Variants in ST6GALNAC3 observed in about 807,000 individuals in gnomAD.
The protein encoded by ST6GALNAC3 is alpha-N-acetylgalactosaminide alpha-2,6-sialyltransferase 3.
In ST6GALNAC3, 25 loss-of-function variants were observed where a neutral mutation model predicts 32.7. The observed-to-expected ratio is 0.76, with a 90% CI of 0.56 to 1.07. ST6GALNAC3 has a LOEUF of 1.07. Among genes scored for constraint, ST6GALNAC3 ranks in the 50% least tolerant of loss-of-function variants. The pLI is 0.00. For synonymous variants in ST6GALNAC3, 129 were observed against 133.1 expected, an observed-to-expected ratio of 0.97 and a Z score of 0.21; for missense variants, 355 against 382.4, an observed-to-expected ratio of 0.93 and a Z score of 0.60.
At chr1:76,635,490 C>T (rs1649482229), downstream of ST6GALNAC3, among the ~76,000 whole-genome samples, 1 of 152,070 alleles carries the variant, frequency 6.6e-6, no homozygotes, top group Admixed American at 6.5e-5. Context: ...AATTGAAGCA[C>T]TAGAGAGATT....
intron 3 of ST6GALNAC3, among the ~76,000 whole-genome samples, chr1:76,470,511 G>T (rs1325261430): frequency 1.3e-5 from 2 of 152,002 alleles, no homozygotes; most frequent in Non-Finnish European, 2.9e-5. Context: ...CCTTTTCAGT[G>T]GCAAGTTAAA....
At chr1:76,590,179 G>T (rs1237965708) in intron 3 of ST6GALNAC3, among the ~76,000 whole-genome samples, 1 of 152,134 alleles carries the variant, frequency 6.6e-6, no homozygotes. Flanking sequence ...ATCTCTCTTT[G>T]TAATCAAGAC....
chr1:76,587,841 C>A (rs2100570935), intron 3 of ST6GALNAC3, among the ~76,000 whole-genome samples: 1 of 152,244 alleles, frequency 6.6e-6, no homozygotes, highest in East Asian at 1.9e-4. Context: ...GTGGGACGCT[C>A]AGGTTACCAA....
Position 76,564,491 on chromosome 1 carries a change from A to C in ST6GALNAC3, c.624-62961A>C, listed in dbSNP as rs147577345. On this transcript the variant is annotated intron_variant, in intron 3 of 4. Coordinates refer to ENST00000328299, the MANE Select transcript of ST6GALNAC3 (RefSeq NM_152996.4). ...GGCCAGATTCAGGATTCAATGCTAA[A>C]TTAGTGGTGGATTCACTGGTGATGC... is the stretch of plus-strand genomic sequence containing the variant. Among the ~76,000 whole-genome samples, 628 of 152,280 alleles carry C rather than the reference A, an allele frequency of 4.1e-3. 1 individual carries two copies. Among genetic ancestry groups the C allele is most frequent in the African/African-American group, 0.014 (596 of 41,542 alleles).
intron 3 of ST6GALNAC3, among the ~76,000 whole-genome samples, chr1:76,500,316 T>C (rs1050890821): frequency 6.6e-6 from 1 of 152,200 alleles, no homozygotes; most frequent in African/African-American, 2.4e-5. Context: ...ACATTTTCCT[T>C]ATTTCCATCT....
At position 76,199,936 on chromosome 1, in the gene ST6GALNAC3, A is replaced by T. The variant is rs77223693; in HGVS notation, c.19-113869A>T. Among the ~76,000 whole-genome samples, 8 of 152,318 alleles carry T rather than the reference A, an allele frequency of 5.3e-5. No homozygotes were observed. In the East Asian group the frequency reaches 1.5e-3, roughly 29 times the overall value. On this transcript the variant is annotated intron_variant, in intron 1 of 4. Coordinates refer to ENST00000328299, the MANE Select transcript of ST6GALNAC3 (RefSeq NM_152996.4). ...AAGGAGTTGGGAAGTTGAAATTTAC[A>T]GCCATCCCAAATGAGAGAGTTGAGA... is the stretch of plus-strand genomic sequence containing the variant.
intron 2 of ST6GALNAC3, among the ~76,000 whole-genome samples, chr1:76,387,613 T>A (rs1222595195): frequency 6.6e-6 from 1 of 152,130 alleles, no homozygotes; most frequent in Non-Finnish European, 1.5e-5. Context: ...CCAAATTTAC[T>A]TGCTTTTGAA....
intron 1 of ST6GALNAC3, among the ~76,000 whole-genome samples, chr1:76,274,875 G>A (rs1023838388): frequency 2.6e-5 from 4 of 152,136 alleles, no homozygotes; most frequent in Non-Finnish European, 5.9e-5. Context: ...AGGGAATGTC[G>A]AACTTCATCT....
At chr1:76,428,808 A>T (rs1038928933) in intron 3 of ST6GALNAC3, among the ~76,000 whole-genome samples, 1 of 152,190 alleles carries the variant, frequency 6.6e-6, no homozygotes, top group Non-Finnish European at 1.5e-5. Flanking sequence ...TGTGACAATT[A>T]GATCTAATTA....
intron 2 of ST6GALNAC3, among the ~76,000 whole-genome samples, chr1:76,341,682 C>CTTTCCTTCCTTCT (rs1411767732): frequency 5.0e-4 from 18 of 36,044 alleles, no homozygotes; most frequent in South Asian, 9.1e-4. Flanking sequence ...TCTTTCTTTC[C>CTTTCCTTCCTTCT]TTCTTTCTTT....
intron 1 of ST6GALNAC3, among the ~76,000 whole-genome samples, chr1:76,235,969 TTTTG>T (rs965990775): frequency 3.2e-4 from 48 of 151,462 alleles, no homozygotes; most frequent in African/African-American, 7.1e-4. Context: ...TCATTTTGTT[TTTTG>T]TTTGTTTGTT....
intron 1 of ST6GALNAC3, among the ~76,000 whole-genome samples, chr1:76,261,012 G>T (rs1038715556): frequency 3.4e-5 from 4 of 118,520 alleles, no homozygotes; most frequent in South Asian, 6.2e-4. Flanking sequence ...ACACACACAC[G>T]CTGTGAAATG....
intron 3 of ST6GALNAC3, among the ~76,000 whole-genome samples, chr1:76,558,245 A>G (rs913376557): frequency 1.3e-5 from 2 of 152,196 alleles, no homozygotes; most frequent in African/African-American, 2.4e-5. Context: ...ATTACTGGGT[A>G]TATACCCAAA....
intron 2 of ST6GALNAC3, among the ~76,000 whole-genome samples, chr1:76,315,378 C>T (rs1045767143): frequency 9.9e-5 from 15 of 152,174 alleles, no homozygotes; most frequent in South Asian, 2.1e-4. Flanking sequence ...AAATGTCTCA[C>T]GAAGTATTCT....
chr1:76,188,460 G>A (rs1347852048), intron 1 of ST6GALNAC3, among the ~76,000 whole-genome samples: 2 of 152,146 alleles, frequency 1.3e-5, no homozygotes, highest in Admixed American at 6.5e-5. Context: ...CTATTGGACT[G>A]GTGATGTTTC....
rs1347390889 is a variant in ST6GALNAC3, at chr1:76,629,821, A to G, written c.*1015A>G. The G allele has an allele frequency of 1.0e-6, 1 of 977,494 alleles. No homozygotes were observed. Among genetic ancestry groups the G allele is most frequent in the Non-Finnish European group, 1.2e-6 (1 of 822,714 alleles). The allele number at this position is 977,494 out of a possible 1,614,324, so 60.6% of individuals were successfully genotyped here. A position where few individuals can be genotyped will look rare whatever the true frequency, so the allele number is the denominator to read the frequency against. ...ATTTGTATATTCAAATTTCTATTTT[A>G]TAGGCCCAAGGTGTGTTTCTCCAAA... On this transcript the variant is annotated 3_prime_UTR_variant, in exon 5 of 5. Transcript: ENST00000328299.
At chr1:76,285,315 G>T (rs753940983) in intron 1 of ST6GALNAC3, among the ~76,000 whole-genome samples, 1 of 152,056 alleles carries the variant, frequency 6.6e-6, no homozygotes, top group South Asian at 2.1e-4. Context: ...GAGCAGAAGT[G>T]GATAAGATGA....
At chr1:76,076,333 A>G (rs562546131) in intron 1 of ST6GALNAC3, among the ~76,000 whole-genome samples, 1 of 152,204 alleles carries the variant, frequency 6.6e-6, no homozygotes, top group Non-Finnish European at 1.5e-5. Context: ...CAAACTACAC[A>G]TGAATCTGGT....
At chr1:76,206,672 G>A (rs887664630) in intron 1 of ST6GALNAC3, among the ~76,000 whole-genome samples, 1 of 152,068 alleles carries the variant, frequency 6.6e-6, no homozygotes, top group Non-Finnish European at 1.5e-5. Context: ...GGTGGAGTTT[G>A]CAGTGAGCTG....
Sources: allele counts gnomAD v4.1 joint callset (sites outside exome capture counted in the v4.1 genomes callset), GRCh38; gene constraint gnomAD v4.1.1; transcripts MANE v1.5; gene names NCBI Gene and HGNC (gene_info 2026-07-23, HGNC 2026-07-21).